Variants in RSBN1 observed in about 807,000 individuals in gnomAD.
RSBN1 encodes the protein round spermatid basic protein 1, also known as lysine-specific demethylase 9.
In RSBN1, 23 loss-of-function variants were observed where a neutral mutation model predicts 74.8. The ratio of observed to expected loss-of-function variants is 0.31; its 90% CI spans 0.22 to 0.44. RSBN1 has a LOEUF of 0.44. Among genes scored for constraint, RSBN1 ranks in the 20% least tolerant of loss-of-function variants. The pLI, the probability that RSBN1 is intolerant of heterozygous loss-of-function variation, is 1.00. For missense variants in RSBN1, 808 were observed against 1,020.9 expected, an observed-to-expected ratio of 0.79 and a Z score of 2.84; for synonymous variants, 407 against 379.6, an observed-to-expected ratio of 1.07 and a Z score of -0.84.
intron 1 of RSBN1, among the ~76,000 whole-genome samples, chr1:113,802,409 A>G (rs534425778): frequency 6.6e-4 from 100 of 151,832 alleles, no homozygotes; most frequent in African/African-American, 2.2e-3. Context: ...ATTATTCATG[A>G]TTTTTTAAAG....
intron 4 of RSBN1, among the ~76,000 whole-genome samples, chr1:113,771,892 C>T (rs1272293500): frequency 7.6e-6 from 1 of 131,872 alleles, no homozygotes; most frequent in Non-Finnish European, 1.6e-5. Flanking sequence ...CCTCAAAAAA[C>T]AGGGCAATCA....
intron 1 of RSBN1, among the ~76,000 whole-genome samples, chr1:113,811,416 C>T (rs570940570): frequency 6.6e-6 from 1 of 152,290 alleles, no homozygotes; most frequent in African/African-American, 2.4e-5. Flanking sequence ...TAGTACCCCA[C>T]CTACTAATCT....
intron 2 of RSBN1, 63 bp downstream of exon 2, chr1:113,797,300 A>C: frequency 7.5e-7 from 1 of 1,336,684 alleles, no homozygotes; most frequent in South Asian, 1.4e-5. Context: ...GCTGTGCGAC[A>C]GAAAGAGGTT....
intron 6 of RSBN1, 143 bp from the exon 7 acceptor site, chr1:113,766,596 A>G: frequency 1.7e-6 from 1 of 603,922 alleles, no homozygotes. Context: ...ATGATAGGTA[A>G]CTCTCTAAAA....
chr1:113,800,722 A>G (rs1445207342), intron 1 of RSBN1, among the ~76,000 whole-genome samples: 1 of 152,132 alleles, frequency 6.6e-6, no homozygotes, highest in African/African-American at 2.4e-5. Flanking sequence ...CTGTATTACT[A>G]TCAACTTTCC....
In RSBN1 at chr1:113,797,895, C is replaced by A. The variant is rs374878697; in HGVS notation, c.845G>T (p.Cys282Phe). 18 of 1,613,634 alleles carry A rather than the reference C, an allele frequency of 1.1e-5. No homozygotes were observed. The highest frequency in any genetic ancestry group is 2.5e-6 in the Non-Finnish European group (3 of 1,179,970). The change falls in exon 2 of 7, where the codon TGT becomes TTT. Residue 282 changes from cysteine (C) to phenylalanine (F), a missense_variant. Transcript: ENST00000261441. ...KMYNKEVQTV[C>F]AGLTRISKEI... Reference sequence around the variant, plus strand: ...TTTACTGATGCGGGTCAGGCCAGCACAGACGGTTTGTACTTCCTTATTGTA... The same window carrying A: ...TTTACTGATGCGGGTCAGGCCAGCAAAGACGGTTTGTACTTCCTTATTGTA...
intron 1 of RSBN1, among the ~76,000 whole-genome samples, chr1:113,807,169 C>T (rs1660719276): frequency 6.6e-6 from 1 of 151,734 alleles, no homozygotes; most frequent in African/African-American, 2.4e-5. Flanking sequence ...CAAAAATTAG[C>T]CGGGCATGGT....
intron 4 of RSBN1, among the ~76,000 whole-genome samples, chr1:113,771,020 G>A (rs1659876830): frequency 6.6e-6 from 1 of 151,906 alleles, no homozygotes; most frequent in African/African-American, 2.4e-5. Flanking sequence ...TTCAATTTAA[G>A]GTGACTACTA....
chr1:113,783,389 T>C (rs894240355), intron 2 of RSBN1, among the ~76,000 whole-genome samples: 6 of 149,372 alleles, frequency 4.0e-5, no homozygotes, highest in Non-Finnish European at 5.9e-5. Context: ...ATTAACAGCA[T>C]AACAATGAAC....
At chr1:113,773,334 G>A (rs1041577562) in intron 4 of RSBN1, among the ~76,000 whole-genome samples, 5 of 152,116 alleles carry the variant, frequency 3.3e-5, no homozygotes, top group African/African-American at 7.2e-5. Context: ...GGACGAGCCT[G>A]GCCAATATGG....
chr1:113,806,161 C>T (rs1377612552), intron 1 of RSBN1, among the ~76,000 whole-genome samples: 1 of 151,806 alleles, frequency 6.6e-6, no homozygotes, highest in Non-Finnish European at 1.5e-5. Context: ...CATGGTGAAA[C>T]CCCATCTCTA....
At chr1:113,792,106 A>G (rs1477519880) in intron 2 of RSBN1, among the ~76,000 whole-genome samples, 1 of 152,192 alleles carries the variant, frequency 6.6e-6, no homozygotes, top group Non-Finnish European at 1.5e-5. Flanking sequence ...CTAAAGTTAA[A>G]AAGCTTTGAT....
chr1:113,779,437 C>G (rs1457586457), intron 2 of RSBN1, among the ~76,000 whole-genome samples: 2 of 151,990 alleles, frequency 1.3e-5, no homozygotes, highest in African/African-American at 2.4e-5. Context: ...AAATCCTCCC[C>G]CCAAGATCAC....
chr1:113,795,248 C>G (rs1660447865), intron 2 of RSBN1, among the ~76,000 whole-genome samples: 1 of 152,170 alleles, frequency 6.6e-6, no homozygotes, highest in Non-Finnish European at 1.5e-5. Context: ...CTGGACTCTT[C>G]TACTTACTAG....
chr1:113,805,603 C>T (rs1660685032), intron 1 of RSBN1, among the ~76,000 whole-genome samples: 1 of 152,194 alleles, frequency 6.6e-6, no homozygotes, highest in South Asian at 2.1e-4. Flanking sequence ...CTATCACCAA[C>T]TAAAAAATTT....
rs138458200 is a variant in RSBN1, at chr1:113,770,538, A to G, written c.1659-2149T>C. Among the ~76,000 whole-genome samples the G allele has an allele frequency of 2.0e-5, 3 of 152,304 alleles. No homozygotes were observed. The East Asian group carries it at 5.8e-4, about 29-fold the overall frequency. ...CAGCCAGAAAAACTGCACATTCTCT[A>G]AACACATGGAAATTGCCACAAAAAT... is the stretch of plus-strand genomic sequence containing the variant. On this transcript the variant is annotated intron_variant, in intron 4 of 6. Coordinates refer to ENST00000261441, the MANE Select transcript of RSBN1 (RefSeq NM_018364.5).
intron 2 of RSBN1, among the ~76,000 whole-genome samples, chr1:113,794,547 G>A (rs1003355222): frequency 1.3e-5 from 2 of 152,070 alleles, no homozygotes; most frequent in Non-Finnish European, 2.9e-5. Flanking sequence ...CTCCCTCTAA[G>A]TGCCGCATTC....
chr1:113,774,533 C>T (rs1317061840), intron 4 of RSBN1, among the ~76,000 whole-genome samples: 1 of 151,910 alleles, frequency 6.6e-6, no homozygotes. Flanking sequence ...AAAAATTAGC[C>T]GGGCATCATA....
rs910133271 is a variant in RSBN1, at chr1:113,777,804, T to A, written c.1382A>T (p.Asn461Ile). ...TTISNFHTQVNRTYCCGTYRA... is the reference protein window; with the variant it reads ...TTISNFHTQVIRTYCCGTYRA... ...GTAGGTGCCACAGCAGTATGTCCTG[T>A]TGACCTAAGATAAAACAAAAGAGGG... The change falls in exon 3 of 7, where the codon AAC becomes ATC. Residue 461 changes from asparagine to isoleucine, a missense_variant. By Grantham distance (149) the Asn-to-Ile change is moderately radical (BLOSUM62 -3). Transcript: ENST00000261441. 2.5e-6 allele frequency: 4 copies of A among 1,574,158 alleles called. No individual in the cohort carries two copies. The highest frequency in any genetic ancestry group is 3.5e-6 in the Non-Finnish European group (4 of 1,157,176).
Sources: gnomAD v4.1 joint callset for allele counts (sites outside exome capture counted in the v4.1 genomes callset) on GRCh38, gnomAD v4.1.1 for gene constraint, MANE v1.5 for transcripts, NCBI Gene and HGNC (gene_info 2026-07-23, HGNC 2026-07-21) for gene names.